Variants in SLC16A2 observed in about 807,000 individuals in gnomAD.
The protein encoded by SLC16A2 is solute carrier family 16 member 2.
SLC16A2 carries 3 observed loss-of-function variants against 27.2 expected under a neutral mutation model. That is an observed-to-expected ratio of 0.11 (90% CI 0.05 to 0.28). The LOEUF (loss-of-function observed/expected upper bound fraction) is 0.28. Among genes scored for constraint, SLC16A2 ranks in the 10% least tolerant of loss-of-function variants. The pLI is 1.00. For missense variants in SLC16A2, 295 were observed against 458.5 expected, an observed-to-expected ratio of 0.64 and a Z score of 3.26; for synonymous variants, 202 against 187.8, an observed-to-expected ratio of 1.08 and a Z score of -0.62.
intron 1 of SLC16A2, among the ~76,000 whole-genome samples, chrX:74,480,378 C>T (rs532920503): frequency 8.0e-5 from 9 of 112,556 alleles, no homozygotes; most frequent in East Asian, 2.8e-4. Context: ...AGGTGCCATC[C>T]GTTACCCCTT....
rs755342483 is a variant in SLC16A2 at position 74,421,538 on chromosome X, C to CAGCAGCAGCCCTCCG, written c.-90_-76dup. 5.6e-5 allele frequency: 60 copies of CAGCAGCAGCCCTCCG among 1,074,314 alleles called. No homozygotes were observed. The East Asian group carries it at 1.8e-3, about 33-fold the overall frequency. The allele number at this position is 1,074,314 out of a possible 1,213,427, so 88.5% of individuals were successfully genotyped here. On this transcript the variant is annotated 5_prime_UTR_variant, in exon 1 of 6. Transcript: ENST00000587091. ...CTGGAGGAGGAGGCAGCGGCAGCGG[C>CAGCAGCAGCCCTCCG]AGCAGCAGCCCTCCGAGCAGCAGCA...
At chrX:74,507,064 C>A (rs370632232) in intron 1 of SLC16A2, among the ~76,000 whole-genome samples, 9 of 108,447 alleles carry the variant, frequency 8.3e-5, no homozygotes, top group Non-Finnish European at 1.1e-4. Context: ...CGCTCCCCCC[C>A]CAACCACAAG....
intron 1 of SLC16A2, among the ~76,000 whole-genome samples, chrX:74,491,966 T>C (rs763923388): frequency 1.8e-5 from 2 of 112,661 alleles, no homozygotes; most frequent in East Asian, 5.6e-4. Context: ...TCAATCTGTC[T>C]AACCCAAAAA....
At chrX:74,500,959 A>T (rs1371937091) in intron 1 of SLC16A2, among the ~76,000 whole-genome samples, 1 of 109,448 alleles carries the variant, frequency 9.1e-6, no homozygotes, top group Non-Finnish European at 1.9e-5. Flanking sequence ...ATATAATAAA[A>T]TATGTTTCCC....
intron 1 of SLC16A2, among the ~76,000 whole-genome samples, chrX:74,441,133 C>T (rs983105910): frequency 9.1e-6 from 1 of 110,192 alleles, no homozygotes; most frequent in Non-Finnish European, 1.9e-5. Flanking sequence ...TCTCGGCTCA[C>T]GGCAAGCTCC....
chrX:74,523,042 CTA>C (rs752659862), intron 2 of SLC16A2, among the ~76,000 whole-genome samples: 169 of 99,828 alleles, frequency 1.7e-3, no homozygotes, highest in South Asian at 0.011. Flanking sequence ...AAACCAAATC[CTA>C]TGTTTTTCCC....
At chrX:74,481,074 T>C (rs1162566731) in intron 1 of SLC16A2, among the ~76,000 whole-genome samples, 2 of 112,634 alleles carry the variant, frequency 1.8e-5, no homozygotes. Context: ...ATTCCTGGGA[T>C]AAACCCCATT....
chrX:74,449,409 C>T (rs1338584518), intron 1 of SLC16A2, among the ~76,000 whole-genome samples: 1 of 112,043 alleles, frequency 8.9e-6, no homozygotes, highest in East Asian at 2.8e-4. Flanking sequence ...ATCTTGAGTC[C>T]ACTCTTGGAA....
intron 5 of SLC16A2, 95 bp downstream of exon 5, chrX:74,529,536 C>A: frequency 1.6e-6 from 1 of 633,192 alleles, no homozygotes; most frequent in Non-Finnish European, 2.4e-6. Context: ...GCCCCTTTTC[C>A]TCTTATCGTC....
chrX:74,468,915 C>A lies in SLC16A2; in HGVS notation c.430+46848C>A, dbSNP rs748747205. On this transcript the variant is annotated intron_variant, in intron 1 of 5. Transcript: ENST00000587091. Reference sequence around the variant, plus strand: ...CCTATTGTGCTACCAAAAACTAGATCTTATTCCTTCTATCTAACTATATTT... The same window carrying A: ...CCTATTGTGCTACCAAAAACTAGATATTATTCCTTCTATCTAACTATATTT... Among the ~76,000 whole-genome samples the A allele has an allele frequency of 3.6e-5, 4 of 111,337 alleles. No homozygotes were observed. The South Asian group carries it at 1.5e-3, about 42-fold the overall frequency.
intron 1 of SLC16A2, among the ~76,000 whole-genome samples, chrX:74,464,936 GCAA>G (rs752511999): frequency 3.6e-5 from 4 of 110,768 alleles, no homozygotes; most frequent in East Asian, 2.8e-4. Context: ...CTCAATAACA[GCAA>G]CAACAACAAC....
At chrX:74,526,156 G>T (rs1182961974) in intron 4 of SLC16A2, among the ~76,000 whole-genome samples, 4 of 111,985 alleles carry the variant, frequency 3.6e-5, no homozygotes, top group Non-Finnish European at 7.5e-5. Context: ...ATTAATAATG[G>T]CTCTCCATGC....
At chrX:74,439,184 CTT>C (rs780624452) in intron 1 of SLC16A2, among the ~76,000 whole-genome samples, 160 of 58,471 alleles carry the variant, frequency 2.7e-3, no homozygotes, top group Admixed American at 5.2e-3. Context: ...TTCTTTCTTT[CTT>C]TTTCTTTCTT....
intron 2 of SLC16A2, among the ~76,000 whole-genome samples, chrX:74,523,056 C>A (rs1930434700): frequency 9.0e-6 from 1 of 111,671 alleles, no homozygotes. Flanking sequence ...GTTTTTCCCC[C>A]ACTGGCCCCT....
At chrX:74,467,756 A>C (rs748684397) in intron 1 of SLC16A2, among the ~76,000 whole-genome samples, 29 of 111,600 alleles carry the variant, frequency 2.6e-4, no homozygotes, top group South Asian at 2.3e-3. Flanking sequence ...GTTGTCAGGC[A>C]TGCTCCATGA....
chrX:74,524,818 T>C lies in SLC16A2; in HGVS notation c.1026+9T>C. ...TTCCCTATGTACACCTGGTGAGGAA[T>C]ACCAGAGTGGGCCCACCCCACCTGG... On this transcript the variant is annotated intron_variant, in intron 3 of 5. Transcript: ENST00000587091. The C allele has an allele frequency of 8.3e-7, 1 of 1,199,851 alleles. No individual in the cohort carries two copies. The highest frequency in any genetic ancestry group is 1.1e-6 in the Non-Finnish European group (1 of 889,077).
At chrX:74,476,976 A>G (rs1401618163) in intron 1 of SLC16A2, 3 of 111,793 alleles carry the variant, frequency 2.7e-5, no homozygotes, top group Non-Finnish European at 3.8e-5. Context: ...TTGGTATCAG[A>G]ATGATGCTGG....
intron 1 of SLC16A2, among the ~76,000 whole-genome samples, chrX:74,424,807 G>A (rs1340925158): frequency 1.8e-5 from 2 of 111,654 alleles, no homozygotes; most frequent in Non-Finnish European, 3.8e-5. Flanking sequence ...ATGGGTGGAA[G>A]GTCCTGCAGA....
chrX:74,427,804 C>CGT (rs1928432592), intron 1 of SLC16A2, among the ~76,000 whole-genome samples: 6 of 70,658 alleles, frequency 8.5e-5, no homozygotes, highest in Admixed American at 2.6e-4. Context: ...CACGCGTGCA[C>CGT]GCGCGCGCAC....
Sources: allele counts gnomAD v4.1 joint callset (sites outside exome capture counted in the v4.1 genomes callset), GRCh38; gene constraint gnomAD v4.1.1; transcripts MANE v1.5; gene names NCBI Gene and HGNC (gene_info 2026-07-23, HGNC 2026-07-21).